Variants in TNRC18 observed in about 807,000 individuals in gnomAD.
The protein encoded by TNRC18 is trinucleotide repeat containing 18.
A neutral mutation model predicts 226.7 loss-of-function variants in TNRC18; 69 were observed. That is an observed-to-expected ratio of 0.30 (90% CI 0.25 to 0.37). TNRC18 has a LOEUF of 0.37. Ranked by LOEUF, TNRC18 falls within the 10% of genes least tolerant of loss-of-function variation. The pLI, the probability that TNRC18 is intolerant of heterozygous loss-of-function variation, is 1.00. For synonymous variants in TNRC18, 2,449 were observed against 1,927.6 expected (o/e 1.27, Z -7.09); for missense variants, 4,754 against 4,256.6 (o/e 1.12, Z -3.25).
intron 2 of TNRC18, among the ~76,000 whole-genome samples, chr7:5,402,106 G>A (rs1346275181): frequency 2.0e-5 from 3 of 151,196 alleles, no homozygotes; most frequent in Non-Finnish European, 2.9e-5. Flanking sequence ...ATGAACCCGG[G>A]AGGCGGAGCA....
rs1787280537 is a variant in TNRC18 at position 5,312,092 on chromosome 7, C to T, written c.8388+411G>A. On this transcript the variant is annotated intron_variant, in intron 27 of 29. Coordinates refer to ENST00000430969, the MANE Select transcript of TNRC18 (RefSeq NM_001080495.3). The surrounding 1 kb of genome is among the most constrained non-coding windows in gnomAD (Gnocchi z 6.3). ...CAGAGGGTGCAGTAAGCCAAGATCA[C>T]ACCACCACACTCCAGCCTGGGCAAC... 6.6e-6 allele frequency among the ~76,000 whole-genome samples: 1 copy of T among 152,190 alleles called. No homozygotes were observed. The highest frequency in any genetic ancestry group is 2.1e-4 in the South Asian group (1 of 4,828).
chr7:5,374,562 C>A lies in TNRC18; in HGVS notation c.2800-78G>T. The A allele has an allele frequency of 3.5e-6, 5 of 1,424,858 alleles. No individual in the cohort carries two copies. The South Asian group carries it at 6.7e-5, about 19-fold the overall frequency. 88.3% of individuals were successfully genotyped at this position (1,424,858 alleles called of 1,614,324 possible). ...GACGCCCGCACCTGCCCTGTCCCCCCAAGGGTCCCCGAGTCCGAGGAGAAC... is the reference window on the plus strand; with the variant it reads ...GACGCCCGCACCTGCCCTGTCCCCCAAAGGGTCCCCGAGTCCGAGGAGAAC... On this transcript the variant is annotated intron_variant, in intron 9 of 29. Transcript: ENST00000430969.
At position 5,387,945 on chromosome 7, in the gene TNRC18, AG is replaced by A. The variant is rs1286883807; in HGVS notation, c.1878del (p.Ser627LeufsTer25). The A allele has an allele frequency of 6.3e-7, 1 of 1,598,164 alleles. No individual in the cohort carries two copies. The highest frequency in any genetic ancestry group is 8.5e-7 in the Non-Finnish European group (1 of 1,173,482). On this transcript the variant is annotated frameshift_variant, in exon 5 of 30. Transcript: ENST00000430969. LOFTEE classifies it high-confidence loss of function. ...GCCTGGGCTCGGGAGGCACCCGCAG[AG>A]GTGGGCGCAGGCTCGGGTTTCATGG... The part of the protein sequence containing the change: ...LGTMKPEPAP[T>X]SAGASRAQAR...
intron 18 of TNRC18, among the ~76,000 whole-genome samples, chr7:5,340,442 G>A (rs909573532): frequency 5.9e-5 from 9 of 152,064 alleles, no homozygotes; most frequent in African/African-American, 2.2e-4. Flanking sequence ...GAGGTGTAAG[G>A]AAAGAAGCTA....
intron 4 of TNRC18, 151 bp downstream of exon 4, chr7:5,390,333 TG>T: frequency 1.2e-6 from 1 of 832,516 alleles, no homozygotes; most frequent in Non-Finnish European, 1.8e-6. Context: ...CACTCCAGCC[TG>T]GGCAACATAG....
At chr7:5,348,647 A>AGAGG (rs1165848546) in intron 17 of TNRC18, among the ~76,000 whole-genome samples, 40 of 136,476 alleles carry the variant, frequency 2.9e-4, no homozygotes, top group Middle Eastern at 3.6e-3. Context: ...GCAGAGGAGT[A>AGAGG]GAGGGAGGGA....
intron 5 of TNRC18, among the ~76,000 whole-genome samples, chr7:5,383,501 C>T (rs570708363): frequency 3.9e-5 from 6 of 152,224 alleles, no homozygotes; most frequent in African/African-American, 9.6e-5. Context: ...CCAGAGGGCT[C>T]GAGGCTCTTG....
Position 5,374,251 on chromosome 7 carries a change from C to T in TNRC18, c.3033G>A (p.Lys1011=). The T allele has an allele frequency of 6.7e-7, 1 of 1,500,966 alleles. No homozygotes were observed. Among genetic ancestry groups the T allele is most frequent in the South Asian group, 1.3e-5 (1 of 75,634 alleles). The allele number at this position is 1,500,966 out of a possible 1,614,324, so 93.0% of individuals were successfully genotyped here. The change falls in exon 10 of 30, where the codon AAG becomes AAA. Residue 1011 remains lysine (K), a synonymous_variant. Transcript: ENST00000430969. ...VAALKAKVIQ[K]LEDVSKPPAY... The stretch of plus-strand genomic sequence containing the variant: ...CGGGTGGCTTGGACACGTCCTCCAG[C>T]TTCTGGATGACCTTGGCCTTCAGGG...
At chr7:5,412,244 GAAA>G (rs55864404) in intron 2 of TNRC18, among the ~76,000 whole-genome samples, 85 of 71,880 alleles carry the variant, frequency 1.2e-3, no homozygotes, top group African/African-American at 2.5e-3. Flanking sequence ...AATTCCAAAT[GAAA>G]AAAAAAAAAA....
Position 5,370,767 on chromosome 7 carries a change from T to C in TNRC18, c.3827A>G (p.Glu1276Gly). 1 of 1,603,728 alleles carries C rather than the reference T, an allele frequency of 6.2e-7. No homozygotes were observed. Residue 1276 changes from glutamate to glycine, a missense_variant, in exon 11 of 30, where the codon GAG becomes GGG. Coordinates refer to ENST00000430969, the MANE Select transcript of TNRC18 (RefSeq NM_001080495.3). ...VAVPVVEAVP[E>G]EGLAQVAPSE... Reference sequence around the variant, plus strand: ...CGGTGCCACCTGCGCCAGGCCTTCCTCGGGCACTGCCTCCACCACGGGCAC... The same window carrying C: ...CGGTGCCACCTGCGCCAGGCCTTCCCCGGGCACTGCCTCCACCACGGGCAC...
intron 19 of TNRC18, among the ~76,000 whole-genome samples, chr7:5,332,207 C>A (rs971351562): frequency 5.9e-5 from 9 of 152,060 alleles, no homozygotes; most frequent in Admixed American, 5.9e-4. Flanking sequence ...GAGGTTGGGG[C>A]AGAAGAATCA....
rs1346499674 is a variant in TNRC18, at chr7:5,306,839, C to T, written c.*1267G>A. 6.6e-6 allele frequency: 1 copy of T among 151,060 alleles called. No homozygotes were observed. The highest frequency in any genetic ancestry group is 1.5e-5 in the Non-Finnish European group (1 of 67,854). 9.4% of individuals were successfully genotyped at this position (151,060 alleles called of 1,614,324 possible). On this transcript the variant is annotated 3_prime_UTR_variant, in exon 30 of 30. Coordinates refer to ENST00000430969, the MANE Select transcript of TNRC18 (RefSeq NM_001080495.3). Reference sequence around the variant, plus strand: ...TCTTTTTTTTTATGAAAAAAGATCACACAGAATTTGCCAACAAACAAAATT... The same window carrying T: ...TCTTTTTTTTTATGAAAAAAGATCATACAGAATTTGCCAACAAACAAAATT...
At chr7:5,363,581 G>A (rs937246025) in intron 11 of TNRC18, among the ~76,000 whole-genome samples, 1 of 152,122 alleles carries the variant, frequency 6.6e-6, no homozygotes, top group African/African-American at 2.4e-5. Context: ...TCCAGCCTGG[G>A]TGACAGAGGG....
chr7:5,345,490 C>CA lies in TNRC18; in HGVS notation c.5719+71dup, dbSNP rs1416669140. 2.9e-6 allele frequency: 4 copies of CA among 1,363,338 alleles called. No homozygotes were observed. In the African/African-American group the frequency reaches 5.8e-5, roughly 20 times the overall value. 84.5% of individuals were successfully genotyped at this position (1,363,338 alleles called of 1,614,324 possible). On this transcript the variant is annotated intron_variant, in intron 18 of 29. Transcript: ENST00000430969. ...CTGCATCTCTGAGCCTCAGTTTCCT[C>CA]ACCTGTGGGATGGGGCAATGGCGTC...
intron 2 of TNRC18, among the ~76,000 whole-genome samples, chr7:5,407,566 C>G (rs1781558870): frequency 6.6e-6 from 1 of 152,254 alleles, no homozygotes; most frequent in African/African-American, 2.4e-5. Context: ...TGGCTTAATT[C>G]CAGTCCCTCT....
intron 19 of TNRC18, among the ~76,000 whole-genome samples, chr7:5,328,381 T>A (rs1789156127): frequency 6.6e-6 from 1 of 151,904 alleles, no homozygotes. Context: ...AATTTTTTTT[T>A]AATTAGTCAG....
chr7:5,395,189 G>A (rs1465284493), intron 2 of TNRC18, among the ~76,000 whole-genome samples: 1 of 152,226 alleles, frequency 6.6e-6, no homozygotes, highest in African/African-American at 2.4e-5. Context: ...CAGGGACTCA[G>A]AATGCAGCCC....
Position 5,394,199 on chromosome 7 carries a change from G to A in TNRC18, c.343+241C>T, listed in dbSNP as rs1472277362. The stretch of plus-strand genomic sequence containing the variant: ...GGGTCTCTGAGCTGAGCCGGAGGAG[G>A]ACTGGAAGGTGGTCTGTGGCATGGG... On this transcript the variant is annotated intron_variant, in intron 3 of 29. Coordinates refer to ENST00000430969, the MANE Select transcript of TNRC18 (RefSeq NM_001080495.3). This position sits in a 1 kb window ranked among gnomAD's most constrained non-coding sequence, Gnocchi z 4.5. Among the ~76,000 whole-genome samples, 1 of 152,174 alleles carries A rather than the reference G, an allele frequency of 6.6e-6. No homozygotes were observed. The highest frequency in any genetic ancestry group is 1.9e-4 in the East Asian group (1 of 5,200).
intron 5 of TNRC18, among the ~76,000 whole-genome samples, chr7:5,385,759 C>T (rs992503691): frequency 6.7e-6 from 1 of 150,242 alleles, no homozygotes; most frequent in Admixed American, 6.6e-5. Context: ...GGATCAACTG[C>T]GGCCAGGAGT....
Sources: gnomAD v4.1 joint callset for allele counts (sites outside exome capture counted in the v4.1 genomes callset) on GRCh38, gnomAD v4.1.1 for gene constraint, Gnocchi (gnomAD v3.1) non-coding constraint, MANE v1.5 for transcripts, NCBI Gene and HGNC (gene_info 2026-07-23, HGNC 2026-07-21) for gene names.